RNASEH2B: variants seen among roughly 807,000 people sequenced by gnomAD.
RNASEH2B encodes the protein Aicardi-Goutieres syndrome 2 protein.
RNASEH2B carries 36 observed loss-of-function variants against 45.0 expected under a neutral mutation model. That is an observed-to-expected ratio of 0.80 (90% CI 0.61 to 1.06). The LOEUF is 1.06. Ranked by LOEUF, RNASEH2B falls within the 50% of genes least tolerant of loss-of-function variation. The pLI, the probability that RNASEH2B is intolerant of heterozygous loss-of-function variation, is 0.00. For synonymous variants in RNASEH2B, 119 were observed against 125.7 expected, an observed-to-expected ratio of 0.95 and a Z score of 0.35; for missense variants, 361 against 360.3, an observed-to-expected ratio of 1.00 and a Z score of -0.02.
In RNASEH2B at chr13:50,956,437, T is replaced by C. The variant is rs780504013; in HGVS notation, c.902T>C (p.Phe301Ser). The stretch of plus-strand genomic sequence containing the variant: ...GGAATGAAAAGTATTGATACCTTTT[T>C]TGGGGTAAAAAATAAAAAAAAAATT... ...KSGMKSIDTF[F>S]GVKNKKKIGK... Residue 301 changes from phenylalanine (F) to serine (S), a missense_variant, in exon 11 of 11, where the codon TTT becomes TCT. By Grantham distance (155) the Phe-to-Ser change is radical. Coordinates refer to ENST00000336617, the MANE Select transcript of RNASEH2B (RefSeq NM_024570.4). 4 of 1,600,532 alleles carry C rather than the reference T, an allele frequency of 2.5e-6. No individual in the cohort carries two copies. Among genetic ancestry groups the C allele is most frequent in the Non-Finnish European group, 3.4e-6 (4 of 1,171,218 alleles).
chr13:50,956,537 G>A lies in RNASEH2B; in HGVS notation c.*63G>A, dbSNP rs751735556. ...TTACATGTTTCAGTTTGTCCTTCCT[G>A]ACTGTTAATGACTACCTTTGGTTGG... On this transcript the variant is annotated 3_prime_UTR_variant, in exon 11 of 11. Coordinates refer to ENST00000336617, the MANE Select transcript of RNASEH2B (RefSeq NM_024570.4). 1.1e-5 allele frequency: 17 copies of A among 1,547,154 alleles called. No homozygotes were observed. The African/African-American group carries it at 2.1e-4, about 19-fold the overall frequency.
intron 9 of RNASEH2B, among the ~76,000 whole-genome samples, chr13:50,964,474 C>T (rs914387890): frequency 2.0e-5 from 3 of 152,092 alleles, no homozygotes; most frequent in East Asian, 1.9e-4. Flanking sequence ...GAGTGCCATA[C>T]GAGCCAGAAT....
chr13:50,959,154 A>G (rs1952085296), downstream of RNASEH2B, among the ~76,000 whole-genome samples: 1 of 152,126 alleles, frequency 6.6e-6, no homozygotes, highest in Non-Finnish European at 1.5e-5. Context: ...TGTCTTTTAT[A>G]TTCTTTGCTA....
At chr13:50,924,329 AAAAT>A (rs1951562165) in intron 1 of RNASEH2B, among the ~76,000 whole-genome samples, 1 of 152,240 alleles carries the variant, frequency 6.6e-6, no homozygotes. Context: ...AAATAGTTTG[AAAAT>A]AAATGAATGG....
In RNASEH2B at chr13:50,910,143, A is replaced by C; in HGVS notation, c.64+3A>C. On this transcript the variant is annotated splice_donor_region_variant and intron_variant, in intron 1 of 10. Coordinates refer to ENST00000336617, the MANE Select transcript of RNASEH2B (RefSeq NM_024570.4). ...GCAGCACGTGTTCCTGGTTTCAGGT[A>C]AACACGCGCGCCCGGGCGGCGGGGT... 1.4e-6 allele frequency: 2 copies of C among 1,439,144 alleles called. No homozygotes were observed. Among genetic ancestry groups the C allele is most frequent in the Non-Finnish European group, 1.8e-6 (2 of 1,096,218 alleles). The allele number at this position is 1,439,144 out of a possible 1,614,324, so 89.1% of individuals were successfully genotyped here. A position where few individuals can be genotyped will look rare whatever the true frequency, so the allele number is the denominator to read the frequency against.
intron 10 of RNASEH2B, chr13:50,954,357 C>A (rs1177550022): frequency 2.4e-6 from 1 of 417,798 alleles, no homozygotes; most frequent in Admixed American, 4.1e-5. Context: ...TCAGCATTCA[C>A]CCTGGCAAAT....
intron 9 of RNASEH2B, chr13:50,951,205 G>T (rs1951971265): frequency 6.6e-6 from 1 of 152,016 alleles, no homozygotes; most frequent in Non-Finnish European, 1.5e-5. Context: ...TGTCTTTCTG[G>T]GGTTCCAGTG....
At chr13:50,923,834 A>C (rs553067302) in intron 1 of RNASEH2B, among the ~76,000 whole-genome samples, 1 of 152,336 alleles carries the variant, frequency 6.6e-6, no homozygotes, top group South Asian at 2.1e-4. Flanking sequence ...AGCAATAATT[A>C]TGAACTGTGT....
At chr13:50,967,210 T>C (rs1030278136) in intron 9 of RNASEH2B, among the ~76,000 whole-genome samples, 3 of 152,198 alleles carry the variant, frequency 2.0e-5, no homozygotes, top group Non-Finnish European at 4.4e-5. Context: ...CACTAGGCAC[T>C]CCCCTAAACT....
downstream of RNASEH2B, among the ~76,000 whole-genome samples, chr13:50,958,881 T>C (rs1952081979): frequency 6.6e-6 from 1 of 152,136 alleles, no homozygotes; most frequent in African/African-American, 2.4e-5. Flanking sequence ...GGATGTGGGC[T>C]TATTGGATTT....
chr13:50,959,780 A>T (rs1952092482), downstream of RNASEH2B: 2 of 155,788 alleles, frequency 1.3e-5, no homozygotes, highest in South Asian at 4.1e-4. Flanking sequence ...TAATTACTTA[A>T]ATCATCTAGA....
chr13:50,970,054 G>A, exon 10 of RNASEH2B: 1 of 1,293,926 alleles, frequency 7.7e-7, no homozygotes, highest in Non-Finnish European at 1.1e-6. Flanking sequence ...CACTTTTTTG[G>A]AAAATCGCCA....
chr13:50,928,932 CTT>C (rs35147830), intron 2 of RNASEH2B, among the ~76,000 whole-genome samples: 32 of 87,860 alleles, frequency 3.6e-4, no homozygotes, highest in African/African-American at 5.7e-4. Flanking sequence ...TGCCTCCTCC[CTT>C]TTTTTTTTTT....
intron 5 of RNASEH2B, chr13:50,937,955 A>G (rs1433345031): frequency 2.6e-5 from 4 of 152,238 alleles, no homozygotes. Context: ...GCAATAAGAC[A>G]AGAAAAAGAC....
At chr13:50,959,985 A>C (rs146350466), downstream of RNASEH2B, 346 of 352,772 alleles carry the variant, frequency 9.8e-4, 2 homozygotes, top group African/African-American at 6.3e-3. Context: ...AAACTTAAAT[A>C]TTCTTATTTG....
chr13:50,932,180 G>A (rs1029490690), intron 4 of RNASEH2B, among the ~76,000 whole-genome samples: 1 of 152,160 alleles, frequency 6.6e-6, no homozygotes, highest in Admixed American at 6.5e-5. Flanking sequence ...TAATACCGGG[G>A]TCTGAATCAC....
chr13:50,936,342 T>C (rs796821434), intron 5 of RNASEH2B: 1 of 152,202 alleles, frequency 6.6e-6, no homozygotes, highest in Non-Finnish European at 1.5e-5. Flanking sequence ...GGGTCATAGA[T>C]GGTTTGGCCA....
At chr13:50,937,103 A>G (rs1019799393) in intron 5 of RNASEH2B, 3 of 152,164 alleles carry the variant, frequency 2.0e-5, no homozygotes, top group Non-Finnish European at 4.4e-5. Flanking sequence ...GATGTATTCA[A>G]TCTCTAGAGG....
intron 1 of RNASEH2B, chr13:50,911,021 CAAT>C (rs1191217873): frequency 6.6e-6 from 1 of 152,084 alleles, no homozygotes; most frequent in Admixed American, 6.6e-5. Flanking sequence ...GACAGGCTGT[CAAT>C]AATATTTTTT....
Sources: allele counts gnomAD v4.1 joint callset (sites outside exome capture counted in the v4.1 genomes callset), GRCh38; gene constraint gnomAD v4.1.1; transcripts MANE v1.5; gene names NCBI Gene and HGNC (gene_info 2026-07-23, HGNC 2026-07-21).